ASAP2: variants seen among roughly 807,000 people sequenced by gnomAD.
The protein encoded by ASAP2 is arf-GAP with SH3 domain, ANK repeat and PH domain-containing protein 2.
Under a neutral mutation model 131.4 loss-of-function variants are expected in ASAP2, and 45 were observed. The ratio of observed to expected loss-of-function variants is 0.34; its 90% CI spans 0.27 to 0.44. ASAP2 has a LOEUF of 0.44. ASAP2 is among the 20% of genes least tolerant of loss of function. ASAP2 has a pLI of 1.00. For missense variants in ASAP2, 1,011 were observed against 1,297.0 expected, an observed-to-expected ratio of 0.78 and a Z score of 3.39; for synonymous variants, 510 against 503.0, an observed-to-expected ratio of 1.01 and a Z score of -0.19.
chr2:9,366,331 C>G (rs1015595630), intron 15 of ASAP2, among the ~76,000 whole-genome samples: 1 of 152,080 alleles, frequency 6.6e-6, no homozygotes, highest in Admixed American at 6.6e-5. Context: ...TCTCCCCACC[C>G]CCATCTGCTT....
At chr2:9,218,682 G>A (rs748050759) in intron 1 of ASAP2, among the ~76,000 whole-genome samples, 4 of 152,162 alleles carry the variant, frequency 2.6e-5, no homozygotes, top group Admixed American at 1.3e-4. Flanking sequence ...CCTCAGTTGC[G>A]TCATTTGTAA....
rs1239208338 is a variant in ASAP2, at chr2:9,217,011, G to A, written c.126+9781G>A. ...TTTAGTTATTATCAAAATGCTATAG[G>A]GGCCAGCAAAATTAGGCCACGGTAC... On this transcript the variant is annotated intron_variant, in intron 1 of 27. Transcript: ENST00000281419. The surrounding 1 kb of genome is among the most constrained non-coding windows in gnomAD (Gnocchi z 4.0). Among the ~76,000 whole-genome samples the A allele has an allele frequency of 3.3e-5, 5 of 152,040 alleles. No homozygotes were observed. The highest frequency in any genetic ancestry group is 5.9e-5 in the Non-Finnish European group (4 of 67,974).
At chr2:9,335,712 G>A (rs1401425613) in intron 9 of ASAP2, among the ~76,000 whole-genome samples, 3 of 152,194 alleles carry the variant, frequency 2.0e-5, no homozygotes, top group African/African-American at 7.2e-5. Context: ...ACGTCTCTGT[G>A]TGCTAACACG....
At chr2:9,373,003 A>G (rs1394034625) in intron 16 of ASAP2, among the ~76,000 whole-genome samples, 1 of 152,138 alleles carries the variant, frequency 6.6e-6, no homozygotes, top group African/African-American at 2.4e-5. Flanking sequence ...TGTTGTGCCT[A>G]CAGGTGGAGA....
rs867946008 is a variant in ASAP2 at position 9,254,234 on chromosome 2, A to T, written c.127-25083A>T. On this transcript the variant is annotated intron_variant, in intron 1 of 27. Coordinates refer to ENST00000281419, the MANE Select transcript of ASAP2 (RefSeq NM_003887.3). ...AAAAAAAAAAAAAAAAAAAAAAAAA[A>T]AAATATATATATATATATATACACG... Among the ~76,000 whole-genome samples the T allele has an allele frequency of 7.4e-3, 435 of 58,784 alleles. 6 individuals are homozygous for T. The highest frequency in any genetic ancestry group is 0.029 in the African/African-American group (278 of 9,646). The allele number at this position is 58,784 out of a possible 152,430, so 38.6% of individuals were successfully genotyped here.
At chr2:9,329,388 G>GT (rs1409012534) in intron 7 of ASAP2, among the ~76,000 whole-genome samples, 2 of 152,210 alleles carry the variant, frequency 1.3e-5, no homozygotes, top group Non-Finnish European at 2.9e-5. Flanking sequence ...TGGTGATGCA[G>GT]TAAGGAGGAA....
intron 7 of ASAP2, among the ~76,000 whole-genome samples, chr2:9,334,405 C>T (rs1418606632): frequency 6.6e-6 from 1 of 152,118 alleles, no homozygotes; most frequent in Non-Finnish European, 1.5e-5. Context: ...GCGGCACATT[C>T]TTCAGTGTCT....
At chr2:9,349,210 G>C (rs1260408973) in intron 11 of ASAP2, among the ~76,000 whole-genome samples, 1 of 152,160 alleles carries the variant, frequency 6.6e-6, no homozygotes, top group East Asian at 1.9e-4. Flanking sequence ...TTTTGTCCAT[G>C]AAGGTGCTTC....
intron 18 of ASAP2, among the ~76,000 whole-genome samples, chr2:9,378,086 C>A (rs556400101): frequency 6.6e-6 from 1 of 152,098 alleles, no homozygotes; most frequent in South Asian, 2.1e-4. Context: ...ATGAAACACA[C>A]CCCCCGCTCC....
chr2:9,367,454 C>A (rs1009568035), intron 15 of ASAP2, among the ~76,000 whole-genome samples: 10 of 152,148 alleles, frequency 6.6e-5, no homozygotes, highest in Non-Finnish European at 1.5e-4. Flanking sequence ...GGTATTATTT[C>A]ATTAAACGTT....
chr2:9,393,631 A>C lies in ASAP2; in HGVS notation c.2668A>C (p.Lys890Gln), dbSNP rs763365115. 6.3e-7 allele frequency: 1 copy of C among 1,581,436 alleles called. No homozygotes were observed. Among genetic ancestry groups the C allele is most frequent in the South Asian group, 1.1e-5 (1 of 87,576 alleles). ...ACAGCCGCCCAGCCGCCTCCCGCAG[A>C]AGAAGCCTGCGCCGGGGTAAGCCAC... ...PPQPPSRLPQ[K>Q]KPAPGADKST... The change falls in exon 24 of 28, where the codon AAG becomes CAG. Residue 890 changes from lysine (K) to glutamine (Q), a missense_variant. Physicochemically the swap from Lys to Gln is moderately conservative, Grantham distance 53 (BLOSUM62 1). Transcript: ENST00000281419.
chr2:9,264,195 A>AAATAAT lies in ASAP2; in HGVS notation c.127-15098_127-15093dup, dbSNP rs70948813. On this transcript the variant is annotated intron_variant, in intron 1 of 27. Transcript: ENST00000281419. The stretch of plus-strand genomic sequence containing the variant: ...CAGTGAGTGAGACCCTGTCTCAAAA[A>AAATAAT]AATAATAATAATAATAATAATAATA... Among the ~76,000 whole-genome samples the AAATAAT allele has an allele frequency of 6.4e-3, 915 of 141,924 alleles. 22 individuals carry two copies. The highest frequency in any genetic ancestry group is 0.022 in the African/African-American group (854 of 38,014). The allele number at this position is 141,924 out of a possible 152,430, so 93.1% of individuals were successfully genotyped here. A position where few individuals can be genotyped will look rare whatever the true frequency, so the allele number is the denominator to read the frequency against.
At chr2:9,264,744 G>A (rs1223305966) in intron 1 of ASAP2, among the ~76,000 whole-genome samples, 1 of 152,028 alleles carries the variant, frequency 6.6e-6, no homozygotes, top group Non-Finnish European at 1.5e-5. Context: ...TTGGCCCTCT[G>A]CACTTGTGGG....
At position 9,311,701 on chromosome 2, in the gene ASAP2, G is replaced by A. The variant is rs1033285625; in HGVS notation, c.346-6823G>A. Among the ~76,000 whole-genome samples, 37 of 152,170 alleles carry A rather than the reference G, an allele frequency of 2.4e-4. No individual in the cohort carries two copies. Among genetic ancestry groups the A allele is most frequent in the Admixed American group, 2.1e-3 (32 of 15,262 alleles). On this transcript the variant is annotated intron_variant, in intron 3 of 27. Transcript: ENST00000281419. The surrounding 1 kb of genome is among the most constrained non-coding windows in gnomAD (Gnocchi z 5.2). ...CTCGGCCAGAACTCGAGGATGGCTC[G>A]TTCGGCTGCGGGCCTGAGGCTGCTG... is the stretch of plus-strand genomic sequence containing the variant.
chr2:9,343,067 C>G (rs531476730), intron 9 of ASAP2, among the ~76,000 whole-genome samples: 1 of 152,258 alleles, frequency 6.6e-6, no homozygotes, highest in South Asian at 2.1e-4. Context: ...GGATGGTGAG[C>G]TGCTCAGTGG....
chr2:9,350,639 G>A (rs905004225), intron 11 of ASAP2, 169 bp from the exon 12 acceptor site: 2 of 533,004 alleles, frequency 3.8e-6, no homozygotes, highest in African/African-American at 3.8e-5. Flanking sequence ...AAGTTCAAAG[G>A]CCTCTGTAAC....
intron 1 of ASAP2, among the ~76,000 whole-genome samples, chr2:9,277,274 ACTGGT>A (rs1666823284): frequency 6.6e-6 from 1 of 152,216 alleles, no homozygotes; most frequent in African/African-American, 2.4e-5. Context: ...CAGTCTGCCC[ACTGGT>A]GCTGGCTGAG....
At chr2:9,391,461 C>T (rs1457848728) in intron 23 of ASAP2, among the ~76,000 whole-genome samples, 1 of 152,196 alleles carries the variant, frequency 6.6e-6, no homozygotes. Flanking sequence ...AGCAACATTT[C>T]CTCCTTTACA....
At chr2:9,275,880 A>G (rs368375254) in intron 1 of ASAP2, among the ~76,000 whole-genome samples, 3 of 152,350 alleles carry the variant, frequency 2.0e-5, no homozygotes, top group Non-Finnish European at 2.9e-5. Context: ...GATATTTTCT[A>G]TAACCTAAGA....
Sources: gnomAD v4.1 joint callset for allele counts (sites outside exome capture counted in the v4.1 genomes callset) on GRCh38, gnomAD v4.1.1 for gene constraint, Gnocchi (gnomAD v3.1) non-coding constraint, MANE v1.5 for transcripts, NCBI Gene and HGNC (gene_info 2026-07-23, HGNC 2026-07-21) for gene names.